GRIP1: variants seen among roughly 807,000 people sequenced by gnomAD.
GRIP1 encodes the protein glutamate receptor interacting protein 1.
Under a neutral mutation model 129.9 loss-of-function variants are expected in GRIP1, and 45 were observed. The ratio of observed to expected loss-of-function variants is 0.35; its 90% CI spans 0.27 to 0.44. The LOEUF (loss-of-function observed/expected upper bound fraction) is 0.44. Among genes scored for constraint, GRIP1 ranks in the 20% least tolerant of loss-of-function variants. The pLI is 1.00. For missense variants in GRIP1, 1,196 were observed against 1,396.8 expected, an observed-to-expected ratio of 0.86 and a Z score of 2.29; for synonymous variants, 530 against 520.8, an observed-to-expected ratio of 1.02 and a Z score of -0.24.
intron 11 of GRIP1, among the ~76,000 whole-genome samples, 159 bp downstream of exon 11, chr12:66,455,250 C>T (rs753815261): frequency 2.4e-4 from 36 of 152,254 alleles, no homozygotes; most frequent in African/African-American, 5.5e-4. Context: ...TACTGGGTAT[C>T]GTGTCAACGG....
chr12:66,880,403 G>A (rs905216962), intron 1 of GRIP1, among the ~76,000 whole-genome samples: 2 of 152,122 alleles, frequency 1.3e-5, no homozygotes, highest in Non-Finnish European at 2.9e-5. Context: ...AATGGAGGAT[G>A]TAGTAGAGGT....
intron 7 of GRIP1, among the ~76,000 whole-genome samples, chr12:66,477,733 C>T (rs12817668): frequency 0.19 from 28,913 of 152,162 alleles, 2,953 homozygotes; most frequent in Non-Finnish European, 0.22. Context: ...CACACATCTA[C>T]AACCATCTGA....
chr12:66,852,419 C>A (rs2039928735), intron 1 of GRIP1, among the ~76,000 whole-genome samples: 1 of 151,314 alleles, frequency 6.6e-6, no homozygotes, highest in African/African-American at 2.4e-5. Flanking sequence ...CTCTTAGTAC[C>A]ACCTGAGTTT....
chr12:66,591,273 A>C (rs948858676), intron 2 of GRIP1, among the ~76,000 whole-genome samples: 1 of 152,212 alleles, frequency 6.6e-6, no homozygotes, highest in African/African-American at 2.4e-5. Context: ...GTAAAGAAGC[A>C]ATGTAATTTA....
At chr12:66,584,444 A>G (rs2063534055) in intron 2 of GRIP1, among the ~76,000 whole-genome samples, 1 of 152,166 alleles carries the variant, frequency 6.6e-6, no homozygotes, top group East Asian at 1.9e-4. Context: ...GTGGTGGCAC[A>G]TCTCTGTAAT....
intron 2 of GRIP1, among the ~76,000 whole-genome samples, chr12:66,592,982 A>G (rs963123655): frequency 3.3e-5 from 5 of 152,186 alleles, no homozygotes; most frequent in Non-Finnish European, 7.3e-5. Context: ...GAAATTGAAA[A>G]TACATCTCCC....
intron 1 of GRIP1, among the ~76,000 whole-genome samples, chr12:66,868,865 C>A (rs187153491): frequency 1.3e-4 from 20 of 152,110 alleles, no homozygotes; most frequent in African/African-American, 4.6e-4. Flanking sequence ...GATAAAACAG[C>A]GAAACATGAG....
chr12:66,548,884 C>A (rs2062033113), intron 2 of GRIP1, among the ~76,000 whole-genome samples: 1 of 152,142 alleles, frequency 6.6e-6, no homozygotes, highest in African/African-American at 2.4e-5. Flanking sequence ...AAATACTTTT[C>A]ATCACACCTC....
At chr12:66,752,248 T>C (rs181529663) in intron 1 of GRIP1, among the ~76,000 whole-genome samples, 14 of 152,298 alleles carry the variant, frequency 9.2e-5, no homozygotes, top group African/African-American at 3.1e-4. Flanking sequence ...ATGAATGAAG[T>C]GCACTGGTTG....
At chr12:66,941,409 AT>A (rs2041583669) in intron 1 of GRIP1, among the ~76,000 whole-genome samples, 1 of 152,220 alleles carries the variant, frequency 6.6e-6, no homozygotes, top group African/African-American at 2.4e-5. Flanking sequence ...AACAGTTCCA[AT>A]GACTCACCCC....
chr12:66,676,182 G>A (rs1372681418), intron 1 of GRIP1, among the ~76,000 whole-genome samples: 1 of 152,062 alleles, frequency 6.6e-6, no homozygotes, highest in Admixed American at 6.6e-5. Flanking sequence ...AATTCTAAGT[G>A]CAAAAATGTC....
At chr12:67,024,110 G>C (rs1367753214) in intron 1 of GRIP1, among the ~76,000 whole-genome samples, 1 of 149,704 alleles carries the variant, frequency 6.7e-6, no homozygotes, top group African/African-American at 2.4e-5. Flanking sequence ...GGGGATCTTT[G>C]AATCCTTTTT....
At chr12:66,355,464 T>C (rs1427949150) in intron 23 of GRIP1, among the ~76,000 whole-genome samples, 2 of 152,198 alleles carry the variant, frequency 1.3e-5, no homozygotes, top group African/African-American at 2.4e-5. Context: ...CCCTCACTTA[T>C]ACAGGGATAG....
intron 1 of GRIP1, among the ~76,000 whole-genome samples, chr12:66,926,661 G>T (rs2041300624): frequency 1.3e-5 from 2 of 152,182 alleles, no homozygotes; most frequent in Non-Finnish European, 2.9e-5. Flanking sequence ...TTGGTTAGTA[G>T]GCCTTCAAGT....
chr12:66,719,593 A>G (rs1565985675), intron 1 of GRIP1, among the ~76,000 whole-genome samples: 1 of 152,224 alleles, frequency 6.6e-6, no homozygotes, highest in Non-Finnish European at 1.5e-5. Flanking sequence ...CCAATTTACC[A>G]TTTGATGAAA....
At chr12:66,410,446 A>C (rs759051719) in intron 15 of GRIP1, among the ~76,000 whole-genome samples, 3 of 148,296 alleles carry the variant, frequency 2.0e-5, no homozygotes, top group Non-Finnish European at 4.5e-5. Context: ...AGCCTGGCCA[A>C]CATGGTGAAA....
chr12:66,971,622 G>A (rs2042077548), intron 1 of GRIP1, among the ~76,000 whole-genome samples: 2 of 152,126 alleles, frequency 1.3e-5, no homozygotes. Context: ...GAGGGAGACA[G>A]AAAAAGGATA....
At chr12:66,534,883 AG>A (rs1347891742) in intron 4 of GRIP1, among the ~76,000 whole-genome samples, 1 of 151,990 alleles carries the variant, frequency 6.6e-6, no homozygotes. Context: ...TAGTAGATAC[AG>A]GGTTTCACCA....
intron 13 of GRIP1, among the ~76,000 whole-genome samples, chr12:66,435,193 C>T (rs1402904100): frequency 7.3e-6 from 1 of 137,546 alleles, no homozygotes; most frequent in South Asian, 2.4e-4. Context: ...ATTTCACAAA[C>T]GTGTGACCAT....
Sources: gnomAD v4.1 joint callset for allele counts (sites outside exome capture counted in the v4.1 genomes callset) on GRCh38, gnomAD v4.1.1 for gene constraint, MANE v1.5 for transcripts, NCBI Gene and HGNC (gene_info 2026-07-23, HGNC 2026-07-21) for gene names.